CYP39A1: variants seen among roughly 807,000 people sequenced by gnomAD.
CYP39A1 encodes the protein cytochrome P450 family 39 subfamily A member 1.
A neutral mutation model predicts 58.1 loss-of-function variants in CYP39A1; 49 were observed. The ratio of observed to expected loss-of-function variants is 0.84; its 90% confidence interval spans 0.67 to 1.07. CYP39A1 has a LOEUF of 1.07. Among genes scored for constraint, CYP39A1 ranks in the 50% least tolerant of loss-of-function variants. CYP39A1 has a pLI of 0.00. For synonymous variants in CYP39A1, 209 were observed against 187.6 expected (o/e 1.11, Z -0.93); for missense variants, 531 against 539.4 (o/e 0.98, Z 0.16).
chr6:46,571,227 CT>C (rs1771570757), intron 10 of CYP39A1, among the ~76,000 whole-genome samples: 1 of 152,116 alleles, frequency 6.6e-6, no homozygotes, highest in Admixed American at 6.6e-5. Context: ...CTGTATATGT[CT>C]GTTAGGTCCA....
Position 46,592,930 on chromosome 6 carries a change from TGGG to T in CYP39A1, c.1065+3054_1065+3056del, listed in dbSNP as rs371869526. ...AAGATCATGTCACTGCACTCCAGCA[TGGG>T]CAACAGAGATGCAAATAATTACCAC... On this transcript the variant is annotated intron_variant, in intron 8 of 11. Coordinates refer to ENST00000275016, the MANE Select transcript of CYP39A1 (RefSeq NM_016593.5). 7.1e-4 allele frequency among the ~76,000 whole-genome samples: 108 copies of T among 152,268 alleles called. No individual in the cohort carries two copies. In the East Asian group the frequency reaches 0.019, roughly 26 times the overall value.
At chr6:46,565,226 T>C (rs879299901) in intron 10 of CYP39A1, among the ~76,000 whole-genome samples, 11 of 151,824 alleles carry the variant, frequency 7.2e-5, no homozygotes, top group Non-Finnish European at 1.0e-4. Context: ...AGGAAAATGA[T>C]GAAAAAAAAA....
chr6:46,601,872 G>C (rs1453338545), intron 7 of CYP39A1, among the ~76,000 whole-genome samples: 2 of 152,040 alleles, frequency 1.3e-5, no homozygotes, highest in South Asian at 2.1e-4. Flanking sequence ...TGTTTGAAAG[G>C]CTGGATCCCT....
intron 10 of CYP39A1, among the ~76,000 whole-genome samples, chr6:46,577,335 C>T (rs184333249): frequency 2.0e-5 from 3 of 152,260 alleles, no homozygotes; most frequent in Admixed American, 2.0e-4. Flanking sequence ...CACTTAAGTA[C>T]ATAGCCCACT....
chr6:46,636,564 G>A, intron 4 of CYP39A1, 82 bp from the exon 5 acceptor site: 3 of 840,304 alleles, frequency 3.6e-6, no homozygotes, highest in Non-Finnish European at 5.7e-6. Context: ...AGGGATGTCT[G>A]TGGAATTAAA....
intron 10 of CYP39A1, among the ~76,000 whole-genome samples, chr6:46,559,557 T>A (rs990074079): frequency 6.6e-6 from 1 of 152,136 alleles, no homozygotes; most frequent in Non-Finnish European, 1.5e-5. Flanking sequence ...GATAGTGCAG[T>A]GGAAAGTAAA....
intron 1 of CYP39A1, among the ~76,000 whole-genome samples, chr6:46,642,700 A>G (rs1776419328): frequency 6.6e-6 from 1 of 152,226 alleles, no homozygotes; most frequent in Non-Finnish European, 1.5e-5. Flanking sequence ...CAACTGGTTT[A>G]TGGGAAATCC....
intron 9 of CYP39A1, 113 bp downstream of exon 9, chr6:46,587,921 G>A (rs1320264461): frequency 8.9e-6 from 5 of 559,714 alleles, no homozygotes; most frequent in East Asian, 3.5e-5. Context: ...TCTTAGTTAC[G>A]AGAGAAATAT....
At chr6:46,581,405 G>GA (rs35718392) in intron 10 of CYP39A1, among the ~76,000 whole-genome samples, 206 of 117,074 alleles carry the variant, frequency 1.8e-3, no homozygotes, top group Middle Eastern at 4.7e-3. Context: ...GCCTGTCTCA[G>GA]AAAAAAAAAA....
At chr6:46,559,818 C>T (rs1331159109) in intron 10 of CYP39A1, among the ~76,000 whole-genome samples, 2 of 152,200 alleles carry the variant, frequency 1.3e-5, no homozygotes, top group East Asian at 1.9e-4. Context: ...TAAAGCGACA[C>T]TTAGATTATA....
intron 10 of CYP39A1, among the ~76,000 whole-genome samples, chr6:46,568,634 A>G (rs992606109): frequency 6.6e-6 from 1 of 152,106 alleles, no homozygotes; most frequent in African/African-American, 2.4e-5. Flanking sequence ...AGCGCCATTC[A>G]TTGAAAAGAC....
At chr6:46,559,033 T>G (rs699940) in intron 10 of CYP39A1, among the ~76,000 whole-genome samples, 58,274 of 149,106 alleles carry the variant, frequency 0.39, 14,248 homozygotes, top group African/African-American at 0.7. Context: ...TCTTTGGGAA[T>G]TGTGTAAAAG....
At chr6:46,564,774 C>G (rs1278155994) in intron 10 of CYP39A1, among the ~76,000 whole-genome samples, 1 of 152,146 alleles carries the variant, frequency 6.6e-6, no homozygotes, top group African/African-American at 2.4e-5. Flanking sequence ...AAAGCTATCA[C>G]TGTTGCCAGG....
chr6:46,566,065 C>T (rs779871572), intron 10 of CYP39A1, among the ~76,000 whole-genome samples: 22 of 152,296 alleles, frequency 1.4e-4, no homozygotes, highest in Admixed American at 2.6e-4. Context: ...AGAACCTCAG[C>T]CCTTCTCGAT....
At chr6:46,558,368 C>T (rs1207508498) in intron 10 of CYP39A1, among the ~76,000 whole-genome samples, 1 of 152,124 alleles carries the variant, frequency 6.6e-6, no homozygotes, top group Non-Finnish European at 1.5e-5. Flanking sequence ...AAGCAAGCTC[C>T]TTCTTCACAT....
intron 11 of CYP39A1, among the ~76,000 whole-genome samples, chr6:46,552,029 T>C (rs1423504573): frequency 6.6e-6 from 1 of 152,116 alleles, no homozygotes; most frequent in Non-Finnish European, 1.5e-5. Context: ...AGGACATATA[T>C]AAAATAGTAT....
intron 7 of CYP39A1, among the ~76,000 whole-genome samples, 191 bp downstream of exon 7, chr6:46,625,227 A>G (rs867660041): frequency 3.1e-4 from 47 of 152,180 alleles, no homozygotes; most frequent in African/African-American, 1.0e-3. Flanking sequence ...AAGGAGTTGC[A>G]CAAAAATATG....
chr6:46,651,217 A>G (rs1762664398), intron 1 of CYP39A1, among the ~76,000 whole-genome samples: 1 of 152,252 alleles, frequency 6.6e-6, no homozygotes, highest in Admixed American at 6.5e-5. Flanking sequence ...GTACAACCAC[A>G]CAATCAATAC....
intron 2 of CYP39A1, among the ~76,000 whole-genome samples, chr6:46,641,772 T>C (rs905745610): frequency 1.3e-5 from 2 of 152,200 alleles, no homozygotes; most frequent in African/African-American, 4.8e-5. Context: ...AGCCATGGAA[T>C]TCTAGTTTCA....
Sources: allele counts gnomAD v4.1 joint callset (sites outside exome capture counted in the v4.1 genomes callset), GRCh38; gene constraint gnomAD v4.1.1; transcripts MANE v1.5; gene names NCBI Gene and HGNC (gene_info 2026-07-23, HGNC 2026-07-21).